TUSC3: variants seen among roughly 807,000 people sequenced by gnomAD.
The protein encoded by TUSC3 is dolichyl-diphosphooligosaccharide--protein glycosyltransferase subunit TUSC3.
TUSC3 carries 45 observed loss-of-function variants against 44.8 expected under a neutral mutation model. The observed-to-expected ratio is 1.00, with a 90% CI of 0.79 to 1.29. TUSC3 has a LOEUF of 1.29. Ranked by LOEUF, TUSC3 falls within the 50% of genes most tolerant of loss-of-function variation. TUSC3 has a pLI of 0.00. For missense variants in TUSC3, 519 were observed against 437.9 expected (o/e 1.19, Z -1.65); for synonymous variants, 212 against 152.9 (o/e 1.39, Z -2.85).
chr8:15,444,985 C>T (rs545018403), intron 1 of TUSC3, among the ~76,000 whole-genome samples: 2 of 152,126 alleles, frequency 1.3e-5, no homozygotes, highest in Non-Finnish European at 2.9e-5. Context: ...CTGGGAAACT[C>T]ATTTTTCCTG....
At chr8:15,667,783 A>T (rs542172128) in intron 5 of TUSC3, among the ~76,000 whole-genome samples, 6 of 151,796 alleles carry the variant, frequency 4.0e-5, no homozygotes, top group Non-Finnish European at 8.9e-5. Context: ...TTTAAATACA[A>T]TGTGAAATGT....
chr8:15,645,289 A>G (rs73195127), intron 2 of TUSC3, among the ~76,000 whole-genome samples: 4,707 of 152,256 alleles, frequency 0.031, 93 homozygotes, highest in South Asian at 0.065. Context: ...TGAAGCTTAC[A>G]TTCTATTACT....
At chr8:15,699,953 T>C (rs2129194753) in intron 6 of TUSC3, among the ~76,000 whole-genome samples, 1 of 152,266 alleles carries the variant, frequency 6.6e-6, no homozygotes, top group South Asian at 2.1e-4. Flanking sequence ...GGGACTTGAG[T>C]CAGCAGAAAG....
At chr8:15,634,329 T>C (rs1226484095) in intron 2 of TUSC3, among the ~76,000 whole-genome samples, 7 of 152,220 alleles carry the variant, frequency 4.6e-5, no homozygotes, top group Non-Finnish European at 8.8e-5. Context: ...GAATACATTG[T>C]GTCCACGATT....
intron 2 of TUSC3, among the ~76,000 whole-genome samples, chr8:15,528,300 C>T (rs1440936427): frequency 6.6e-6 from 1 of 152,128 alleles, no homozygotes; most frequent in Non-Finnish European, 1.5e-5. Context: ...GTGATTACCT[C>T]ATTTGATGAG....
the TUSC3 span, among the ~76,000 whole-genome samples, chr8:15,846,507 C>A: frequency 0.021 from 3,235 of 152,134 alleles, 128 homozygotes; most frequent in African/African-American, 0.074. Context: ...CAAATATACA[C>A]CAAGGAATAC....
intron 1 of TUSC3, among the ~76,000 whole-genome samples, chr8:15,440,829 A>C (rs938401555): frequency 4.6e-5 from 7 of 152,180 alleles, no homozygotes; most frequent in Non-Finnish European, 1.0e-4. Flanking sequence ...GGATGTTAAT[A>C]CATACCAGCT....
intron 1 of TUSC3, among the ~76,000 whole-genome samples, chr8:15,472,432 C>T (rs531886053): frequency 6.6e-6 from 1 of 152,234 alleles, no homozygotes; most frequent in East Asian, 1.9e-4. Context: ...ATAAGTAAAT[C>T]ATTTTGCAGG....
chr8:15,430,799 A>G (rs10101214), intron 1 of TUSC3, among the ~76,000 whole-genome samples: 21,189 of 151,642 alleles, frequency 0.14, 1,783 homozygotes, highest in Middle Eastern at 0.21. Flanking sequence ...TACAAAACCA[A>G]TGTGCAAAAA....
chr8:15,529,062 C>G (rs1585077258), intron 2 of TUSC3, among the ~76,000 whole-genome samples: 1 of 152,314 alleles, frequency 6.6e-6, no homozygotes, highest in Non-Finnish European at 1.5e-5. Context: ...ACATGCTACA[C>G]AAGTAAGTGA....
chr8:15,433,821 A>G (rs1384702557), intron 1 of TUSC3, among the ~76,000 whole-genome samples: 3 of 152,176 alleles, frequency 2.0e-5, no homozygotes. Context: ...GGATACATCA[A>G]CACATACTCT....
chr8:15,519,081 G>C (rs1801259441), intron 2 of TUSC3, among the ~76,000 whole-genome samples: 1 of 151,932 alleles, frequency 6.6e-6, no homozygotes, highest in African/African-American at 2.4e-5. Flanking sequence ...TCATTGATTT[G>C]GCTTCTTGCT....
At chr8:15,600,978 A>AT (rs201631454) in intron 1 of TUSC3, among the ~76,000 whole-genome samples, 2,467 of 151,582 alleles carry the variant, frequency 0.016, 32 homozygotes, top group Non-Finnish European at 0.021. Flanking sequence ...TTAAAATAAT[A>AT]TTTTTTTTCT....
intron 7 of TUSC3, among the ~76,000 whole-genome samples, chr8:15,733,944 G>A (rs6651375): frequency 0.012 from 1,832 of 152,164 alleles, 37 homozygotes; most frequent in African/African-American, 0.042. Flanking sequence ...CTTGGGAGGC[G>A]GAGGCAGGAG....
At chr8:15,695,327 T>C (rs1450342719) in intron 6 of TUSC3, among the ~76,000 whole-genome samples, 1 of 152,152 alleles carries the variant, frequency 6.6e-6, no homozygotes, top group Non-Finnish European at 1.5e-5. Flanking sequence ...ATCTGATGGT[T>C]TTATAAACAG....
At chr8:15,775,178 T>G in the TUSC3 span, among the ~76,000 whole-genome samples, 1 of 152,092 alleles carries the variant, frequency 6.6e-6, no homozygotes, top group African/African-American at 2.4e-5. Context: ...TGAGTGAACT[T>G]TGAAAACAAG....
At chr8:15,484,925 G>A (rs1052392157) in intron 2 of TUSC3, among the ~76,000 whole-genome samples, 9 of 152,120 alleles carry the variant, frequency 5.9e-5, no homozygotes, top group Non-Finnish European at 1.3e-4. Flanking sequence ...CTATTTCTTT[G>A]TAAAAACTTA....
chr8:15,420,471 C>G (rs1292278006), intron 1 of TUSC3, among the ~76,000 whole-genome samples: 1 of 151,900 alleles, frequency 6.6e-6, no homozygotes, highest in Non-Finnish European at 1.5e-5. Flanking sequence ...GCACTCCAGC[C>G]TGGGTGACAG....
intron 6 of TUSC3, among the ~76,000 whole-genome samples, chr8:15,702,039 C>T (rs1326143686): frequency 6.6e-6 from 1 of 152,002 alleles, no homozygotes; most frequent in Non-Finnish European, 1.5e-5. Flanking sequence ...AGGCCACTAC[C>T]AAGGTAATGG....
Sources: gnomAD v4.1 joint callset for allele counts (sites outside exome capture counted in the v4.1 genomes callset) on GRCh38, gnomAD v4.1.1 for gene constraint, MANE v1.5 for transcripts, NCBI Gene and HGNC (gene_info 2026-07-23, HGNC 2026-07-21) for gene names.